Variants in UBA1 observed in about 807,000 individuals in gnomAD.
UBA1 encodes the protein ubiquitin-like modifier-activating enzyme 1.
In UBA1, 4 loss-of-function variants were observed where a neutral mutation model predicts 84.7. The observed-to-expected ratio is 0.05, with a 90% CI of 0.02 to 0.11. The LOEUF (loss-of-function observed/expected upper bound fraction) is 0.11, where lower values mean the gene tolerates loss of function less well. UBA1 is among the 10% of genes least tolerant of loss of function. The pLI is 1.00. For missense variants in UBA1, 513 were observed against 902.8 expected, an observed-to-expected ratio of 0.57 and a Z score of 5.53; for synonymous variants, 364 against 362.6, an observed-to-expected ratio of 1.00 and a Z score of -0.04.
At chrX:47,209,884 G>A in intron 17 of UBA1, 44 bp from the exon 18 acceptor site, 1 of 1,194,203 alleles carries the variant, frequency 8.4e-7, no homozygotes, top group Non-Finnish European at 1.1e-6. Context: ...CACTCTTGAG[G>A]CTGACATGTA....
chrX:47,197,553 ACGC>A, intron 1 of UBA1: 2 of 753,444 alleles, frequency 2.7e-6, no homozygotes, highest in Non-Finnish European at 3.1e-6. Context: ...AGGGGAAGTG[ACGC>A]TGGGTCCTCC....
intron 16 of UBA1, among the ~76,000 whole-genome samples, chrX:47,206,855 T>C (rs1936697552): frequency 9.0e-6 from 1 of 111,388 alleles, no homozygotes; most frequent in South Asian, 3.8e-4. Flanking sequence ...GATATGTTGC[T>C]GTAGAACAGG....
chrX:47,207,040 T>C (rs1936706352), intron 16 of UBA1, among the ~76,000 whole-genome samples: 1 of 111,253 alleles, frequency 9.0e-6, no homozygotes, highest in South Asian at 3.8e-4. Context: ...CATTGCCAGA[T>C]GTCCCCAGGG....
At chrX:47,201,032 C>A in intron 6 of UBA1, 32 bp downstream of exon 6, 1 of 1,121,669 alleles carries the variant, frequency 8.9e-7, no homozygotes, top group Non-Finnish European at 1.2e-6. Context: ...TCCCTGTCCC[C>A]TTTTCCCCCA....
chrX:47,206,204 C>T (rs1556790961), intron 15 of UBA1, 44 bp from the exon 16 acceptor site: 8 of 1,183,748 alleles, frequency 6.8e-6, no homozygotes, highest in Non-Finnish European at 9.1e-6. Context: ...TTTCTGTCCT[C>T]TCCTGATGTT....
intron 6 of UBA1, 56 bp from the exon 7 acceptor site, chrX:47,201,220 G>T (rs1936405897): frequency 5.6e-6 from 6 of 1,065,203 alleles, no homozygotes; most frequent in Non-Finnish European, 7.8e-6. Flanking sequence ...TGAGGGACCC[G>T]TGGGACCTGT....
chrX:47,210,764 G>A (rs1215929375), intron 18 of UBA1, 78 bp from the exon 19 acceptor site: 1 of 1,042,393 alleles, frequency 9.6e-7, no homozygotes, highest in African/African-American at 1.9e-5. Context: ...GCACATCTGG[G>A]GCCTAGGTGA....
chrX:47,213,638 C>T (rs1937023928), intron 23 of UBA1, among the ~76,000 whole-genome samples: 1 of 112,025 alleles, frequency 8.9e-6, no homozygotes, highest in Non-Finnish European at 1.9e-5. Context: ...GGCCGAGGCA[C>T]GTGGTTCACC....
chrX:47,192,699 T>G (rs1048233865), upstream of UBA1, among the ~76,000 whole-genome samples: 6 of 111,117 alleles, frequency 5.4e-5, no homozygotes, highest in Admixed American at 3.8e-4. Flanking sequence ...CAAGCGATTC[T>G]CCTGCCTCAG....
intron 16 of UBA1, 35 bp from the exon 17 acceptor site, chrX:47,209,588 T>C (rs1556792698): frequency 8.4e-7 from 1 of 1,193,857 alleles, no homozygotes; most frequent in South Asian, 1.8e-5. Flanking sequence ...TTTTGTCAAC[T>C]GTGGCCACAT....
At chrX:47,212,934 G>GT in intron 22 of UBA1, 56 bp from the exon 23 acceptor site, 1 of 1,207,136 alleles carries the variant, frequency 8.3e-7, no homozygotes, top group Admixed American at 2.2e-5. Flanking sequence ...CCCCTCTGTA[G>GT]ACCCTGAGGC....
chrX:47,210,739 G>C, intron 18 of UBA1, 103 bp from the exon 19 acceptor site: 1 of 869,156 alleles, frequency 1.2e-6, no homozygotes, highest in Non-Finnish European at 1.7e-6. Context: ...CCCAACCCAA[G>C]ATAGTGAATT....
At chrX:47,214,671 C>T in intron 25 of UBA1, 34 bp downstream of exon 25, 2 of 1,195,608 alleles carry the variant, frequency 1.7e-6, no homozygotes, top group Non-Finnish European at 2.3e-6. Context: ...AGGGGAGGCC[C>T]TGTATGGGTT....
intron 14 of UBA1, chrX:47,205,275 A>G: frequency 3.8e-6 from 1 of 261,173 alleles, no homozygotes; most frequent in South Asian, 3.9e-5. Flanking sequence ...TTGGGCTTTG[A>G]AAGGATCCTG....
chrX:47,201,341 G>A lies in UBA1; in HGVS notation c.653G>A (p.Ser218Asn). The change falls in exon 7 of 26, where the codon AGT becomes AAT. Residue 218 changes from serine (S) to asparagine (N), a missense_variant. Coordinates refer to ENST00000335972, the MANE Select transcript of UBA1 (RefSeq NM_003334.4). ...GATTCCAATGGGGAGCAGCCACTCA[G>A]TGCTATGGTTTCTATGGTTACCAAG... ...LTDSNGEQPL[S>N]AMVSMVTKDN... 2 of 1,210,508 alleles carry A rather than the reference G, an allele frequency of 1.7e-6. No individual in the cohort carries two copies. Among genetic ancestry groups the A allele is most frequent in the South Asian group, 1.8e-5 (1 of 56,589 alleles).
At chrX:47,203,956 C>T (rs1487872758) in intron 14 of UBA1, among the ~76,000 whole-genome samples, 1 of 108,540 alleles carries the variant, frequency 9.2e-6, no homozygotes, top group Non-Finnish European at 1.9e-5. Context: ...CCATGTTGGT[C>T]AGGCTGGTCT....
intron 6 of UBA1, 65 bp from the exon 7 acceptor site, chrX:47,201,211 G>A: frequency 1.1e-5 from 11 of 1,022,375 alleles, no homozygotes; most frequent in Non-Finnish European, 1.5e-5. Context: ...ACTACATCTT[G>A]AGGGACCCGT....
intron 20 of UBA1, among the ~76,000 whole-genome samples, chrX:47,212,058 T>C (rs782307596): frequency 5.3e-4 from 53 of 99,143 alleles, no homozygotes; most frequent in African/African-American, 1.9e-3. Context: ...TATATCTTTT[T>C]TACTCCCCTT....
chrX:47,205,034 A>G (rs1488560317), intron 14 of UBA1: 2 of 123,503 alleles, frequency 1.6e-5, no homozygotes, highest in African/African-American at 6.4e-5. Flanking sequence ...AAAACCAGAC[A>G]AGGGAAGTCG....
Sources: gnomAD v4.1 joint callset for allele counts (sites outside exome capture counted in the v4.1 genomes callset) on GRCh38, gnomAD v4.1.1 for gene constraint, MANE v1.5 for transcripts, NCBI Gene and HGNC (gene_info 2026-07-23, HGNC 2026-07-21) for gene names.